Variants in NFATC3 observed in about 807,000 individuals in gnomAD.
NFATC3 encodes the protein nuclear factor of activated T cells 3.
Under a neutral mutation model 98.6 loss-of-function variants are expected in NFATC3, and 46 were observed. The observed-to-expected ratio is 0.47, with a 90% CI of 0.37 to 0.60. The LOEUF is 0.60. Ranked by LOEUF, NFATC3 falls within the 20% of genes least tolerant of loss-of-function variation. NFATC3 has a pLI of 0.00. For synonymous variants in NFATC3, 512 were observed against 472.2 expected (o/e 1.08, Z -1.09); for missense variants, 1,256 against 1,295.5 (o/e 0.97, Z 0.47).
intron 3 of NFATC3, among the ~76,000 whole-genome samples, chr16:68,132,557 A>G (rs1008921531): frequency 2.6e-5 from 4 of 152,250 alleles, no homozygotes; most frequent in African/African-American, 9.6e-5. Context: ...GAATTCATCC[A>G]TAGAAGAGGA....
At chr16:68,100,763 G>C (rs1453353474) in intron 1 of NFATC3, among the ~76,000 whole-genome samples, 1 of 151,500 alleles carries the variant, frequency 6.6e-6, no homozygotes, top group Non-Finnish European at 1.5e-5. Context: ...TTCTTCTCAT[G>C]ACTAATACTG....
chr16:68,143,693 T>C (rs904418819), intron 3 of NFATC3, among the ~76,000 whole-genome samples: 1 of 151,656 alleles, frequency 6.6e-6, no homozygotes, highest in Non-Finnish European at 1.5e-5. Flanking sequence ...TACTAAAAAA[T>C]AACAAAAATT....
At chr16:68,216,229 T>C (rs1396822356) in intron 9 of NFATC3, among the ~76,000 whole-genome samples, 1 of 152,138 alleles carries the variant, frequency 6.6e-6, no homozygotes, top group Non-Finnish European at 1.5e-5. Flanking sequence ...GACAAGATTA[T>C]TCAGAGGAAA....
intron 9 of NFATC3, among the ~76,000 whole-genome samples, chr16:68,213,539 C>T (rs1011326438): frequency 1.3e-5 from 2 of 151,856 alleles, no homozygotes; most frequent in Non-Finnish European, 2.9e-5. Flanking sequence ...TTAAAAAATA[C>T]TCCTCCAGGC....
intron 3 of NFATC3, among the ~76,000 whole-genome samples, chr16:68,130,965 G>C (rs1324575315): frequency 6.6e-6 from 1 of 152,116 alleles, no homozygotes; most frequent in Non-Finnish European, 1.5e-5. Context: ...GTAAATACAG[G>C]AATTTATTTC....
At chr16:68,098,299 TA>T (rs67447358) in intron 1 of NFATC3, among the ~76,000 whole-genome samples, 3,863 of 111,204 alleles carry the variant, frequency 0.035, 217 homozygotes, top group Middle Eastern at 0.079. Flanking sequence ...TTATTATTAT[TA>T]TTTTTTTTTT....
At chr16:68,145,800 A>G (rs543023789) in intron 3 of NFATC3, among the ~76,000 whole-genome samples, 2 of 152,200 alleles carry the variant, frequency 1.3e-5, no homozygotes, top group Non-Finnish European at 2.9e-5. Context: ...ATAAAATTGC[A>G]TAAAACTATA....
intron 5 of NFATC3, among the ~76,000 whole-genome samples, chr16:68,168,705 C>T (rs370924931): frequency 2.7e-5 from 4 of 149,860 alleles, no homozygotes; most frequent in East Asian, 2.0e-4. Context: ...AGGCTAGTCT[C>T]GAACTCCTGA....
At chr16:68,147,968 A>C (rs150451819) in intron 3 of NFATC3, among the ~76,000 whole-genome samples, 1 of 152,186 alleles carries the variant, frequency 6.6e-6, no homozygotes, top group Non-Finnish European at 1.5e-5. Context: ...TATATGCCCA[A>C]ACTTTTCCAG....
At chr16:68,186,778 C>G (rs2040220873) in intron 8 of NFATC3, among the ~76,000 whole-genome samples, 1 of 151,990 alleles carries the variant, frequency 6.6e-6, no homozygotes, top group Non-Finnish European at 1.5e-5. Context: ...GACCTGATCT[C>G]TGTTATGTTA....
rs1332674877 is a variant in NFATC3, at chr16:68,126,144, A to G, written c.1239-304A>G. ...GGTAATCTGCCCACCTCGGCCTCCC[A>G]AAGTGCTAGGATTACAGGCATGAGC... On this transcript the variant is annotated intron_variant, in intron 2 of 9. Transcript: ENST00000346183. Among the ~76,000 whole-genome samples, 3 of 152,136 alleles carry G rather than the reference A, an allele frequency of 2.0e-5. No individual in the cohort carries two copies. In the East Asian group the frequency reaches 5.8e-4, roughly 29 times the overall value.
intron 9 of NFATC3, chr16:68,221,230 G>A (rs546549086): frequency 6.2e-7 from 1 of 1,614,094 alleles, no homozygotes; most frequent in African/African-American, 1.3e-5. Flanking sequence ...ACTTGCTTCA[G>A]TTGAGACCTA....
intron 9 of NFATC3, among the ~76,000 whole-genome samples, chr16:68,218,964 C>T (rs2041747685): frequency 6.6e-6 from 1 of 151,990 alleles, no homozygotes; most frequent in African/African-American, 2.4e-5. Context: ...CTCGGCTGGG[C>T]ACGGTGATTC....
chr16:68,161,016 A>G lies in NFATC3; in HGVS notation c.1601+2948A>G, dbSNP rs11861199. ...AACATTTGTGTTCTATAATGTAGAAAGAACTTTGGAATCTCAGCCTGTATT... is the reference window on the plus strand; with the variant it reads ...AACATTTGTGTTCTATAATGTAGAAGGAACTTTGGAATCTCAGCCTGTATT... On this transcript the variant is annotated intron_variant, in intron 4 of 9. Transcript: ENST00000346183. Among the ~76,000 whole-genome samples, 973 of 152,282 alleles carry G rather than the reference A, an allele frequency of 6.4e-3. 12 individuals carry two copies. Among genetic ancestry groups the G allele is most frequent in the African/African-American group, 0.022 (918 of 41,562 alleles).
At chr16:68,111,615 C>T (rs2035950640) in intron 1 of NFATC3, among the ~76,000 whole-genome samples, 1 of 152,036 alleles carries the variant, frequency 6.6e-6, no homozygotes, top group Non-Finnish European at 1.5e-5. Context: ...GTATTTAGTC[C>T]ATTTACTTTT....
intron 1 of NFATC3, chr16:68,089,020 T>A: frequency 2.0e-6 from 2 of 985,466 alleles, no homozygotes; most frequent in Non-Finnish European, 2.4e-6. Flanking sequence ...CATTGCTCAC[T>A]GCTCTTTCGT....
At chr16:68,098,312 T>A (rs1382619405) in intron 1 of NFATC3, among the ~76,000 whole-genome samples, 1 of 142,190 alleles carries the variant, frequency 7.0e-6, no homozygotes, top group Non-Finnish European at 1.5e-5. Context: ...TTTTTTTTTT[T>A]TTTTTTTAGA....
intron 9 of NFATC3, among the ~76,000 whole-genome samples, chr16:68,216,891 C>A (rs750242739): frequency 1.3e-4 from 19 of 151,984 alleles, no homozygotes; most frequent in Non-Finnish European, 1.9e-4. Context: ...CCCCTCAATC[C>A]GTTGGGTGGG....
At chr16:68,102,517 G>A (rs1434912827) in intron 1 of NFATC3, among the ~76,000 whole-genome samples, 2 of 148,056 alleles carry the variant, frequency 1.4e-5, no homozygotes, top group African/African-American at 2.5e-5. Flanking sequence ...TTATTCCATT[G>A]TTGTTGAAAA....
Sources: gnomAD v4.1 joint callset for allele counts (sites outside exome capture counted in the v4.1 genomes callset) on GRCh38, gnomAD v4.1.1 for gene constraint, MANE v1.5 for transcripts, NCBI Gene and HGNC (gene_info 2026-07-23, HGNC 2026-07-21) for gene names.